Variants in THSD7B observed in about 807,000 individuals in gnomAD.
THSD7B encodes the protein thrombospondin type 1 domain containing 7B, also known as thrombospondin type-1 domain-containing protein 7B.
THSD7B carries 138 observed loss-of-function variants against 213.6 expected under a neutral mutation model. The observed-to-expected ratio is 0.65, with a 90% CI of 0.56 to 0.74. THSD7B has a LOEUF of 0.74. Ranked by LOEUF, THSD7B falls within the 30% of genes least tolerant of loss-of-function variation. The pLI is 0.00. For synonymous variants in THSD7B, 742 were observed against 687.0 expected (o/e 1.08, Z -1.25); for missense variants, 1,931 against 1,991.5 (o/e 0.97, Z 0.58).
At chr2:137,576,794 C>CT (rs1681469312) in intron 17 of THSD7B, among the ~76,000 whole-genome samples, 1 of 139,850 alleles carries the variant, frequency 7.2e-6, no homozygotes, top group Admixed American at 7.0e-5. Flanking sequence ...TTAAGAAAAA[C>CT]ACCCCCCCCC....
At chr2:137,318,640 C>T (rs1412715727) in intron 12 of THSD7B, among the ~76,000 whole-genome samples, 1 of 152,142 alleles carries the variant, frequency 6.6e-6, no homozygotes, top group Non-Finnish European at 1.5e-5. Flanking sequence ...TCTACTCCTT[C>T]CTAGCACAGA....
chr2:137,460,878 T>C (rs72851740), intron 15 of THSD7B, among the ~76,000 whole-genome samples: 15,430 of 152,170 alleles, frequency 0.1, 1,040 homozygotes, highest in South Asian at 0.24. Context: ...CACCTTCCTC[T>C]CACCAAATAT....
At chr2:137,164,925 T>C (rs776521721) in intron 6 of THSD7B, among the ~76,000 whole-genome samples, 25 of 152,136 alleles carry the variant, frequency 1.6e-4, no homozygotes, top group South Asian at 4.2e-4. Flanking sequence ...ATATACCTAA[T>C]GTAAATGACG....
chr2:137,515,245 G>A (rs1680045908), intron 15 of THSD7B, among the ~76,000 whole-genome samples: 1 of 152,080 alleles, frequency 6.6e-6, no homozygotes, highest in African/African-American at 2.4e-5. Context: ...TTTTTTGCCA[G>A]AAGAAACAGC....
At chr2:137,637,730 T>G (rs1682859815) in intron 20 of THSD7B, among the ~76,000 whole-genome samples, 1 of 152,182 alleles carries the variant, frequency 6.6e-6, no homozygotes, top group Admixed American at 6.5e-5. Context: ...GTCACCTTAA[T>G]GGAAATAAAT....
At chr2:137,041,972 T>C (rs1686890467) in intron 2 of THSD7B, among the ~76,000 whole-genome samples, 1 of 152,232 alleles carries the variant, frequency 6.6e-6, no homozygotes, top group Non-Finnish European at 1.5e-5. Flanking sequence ...ATTAGGCACA[T>C]GTTCAGTGAT....
chr2:137,445,643 T>TG (rs1687521225), intron 14 of THSD7B, among the ~76,000 whole-genome samples: 1 of 151,840 alleles, frequency 6.6e-6, no homozygotes, highest in Admixed American at 6.6e-5. Context: ...AAAGACAGGT[T>TG]GATTAATGGG....
chr2:137,403,132 AC>A (rs1686413142), intron 12 of THSD7B, among the ~76,000 whole-genome samples: 2 of 151,900 alleles, frequency 1.3e-5, no homozygotes, highest in Admixed American at 6.5e-5. Context: ...AAAAACGAAA[AC>A]AAAAAATATT....
chr2:137,425,742 T>C (rs775780311), intron 14 of THSD7B, among the ~76,000 whole-genome samples: 3 of 152,172 alleles, frequency 2.0e-5, no homozygotes, highest in Non-Finnish European at 4.4e-5. Context: ...TCCTCAATGG[T>C]AAAAAGTTGA....
intron 13 of THSD7B, among the ~76,000 whole-genome samples, chr2:137,410,595 A>AAGCAT (rs1172294000): frequency 6.6e-6 from 1 of 152,150 alleles, no homozygotes; most frequent in African/African-American, 2.4e-5. Context: ...TTGCAAACAT[A>AAGCAT]AGCATCATGG....
intron 7 of THSD7B, among the ~76,000 whole-genome samples, chr2:137,184,293 A>C (rs936781863): frequency 3.3e-5 from 5 of 152,206 alleles, no homozygotes; most frequent in African/African-American, 1.2e-4. Flanking sequence ...AGGAGCCCTC[A>C]TAACAAAATC....
chr2:136,948,649 A>G (rs982951099), intron 2 of THSD7B, among the ~76,000 whole-genome samples: 2 of 152,216 alleles, frequency 1.3e-5, no homozygotes, highest in African/African-American at 4.8e-5. Context: ...GTGTATATAT[A>G]CTTACATGCA....
At chr2:137,304,764 C>G in intron 12 of THSD7B, among the ~76,000 whole-genome samples, 1 of 151,900 alleles carries the variant, frequency 6.6e-6, no homozygotes, top group East Asian at 1.9e-4. Flanking sequence ...TTCCTTCTTT[C>G]CGTTTTTGTT....
intron 1 of THSD7B, among the ~76,000 whole-genome samples, chr2:136,823,492 T>G (rs11688567): frequency 0.14 from 21,188 of 152,212 alleles, 2,209 homozygotes; most frequent in Non-Finnish European, 0.22. Context: ...TCTTTTTGCT[T>G]CGTCAGGTAT....
chr2:137,457,957 A>T (rs1687794305), intron 15 of THSD7B, among the ~76,000 whole-genome samples: 1 of 152,218 alleles, frequency 6.6e-6, no homozygotes, highest in South Asian at 2.1e-4. Flanking sequence ...GGTTCTGGGA[A>T]TTTAACCATG....
chr2:137,335,697 C>A (rs968114073), intron 12 of THSD7B, among the ~76,000 whole-genome samples: 4 of 152,112 alleles, frequency 2.6e-5, no homozygotes, highest in African/African-American at 9.7e-5. Context: ...AGTTATTGCC[C>A]TTCGGCGCAC....
chr2:137,030,205 G>C (rs1380185412), intron 2 of THSD7B, among the ~76,000 whole-genome samples: 1 of 152,168 alleles, frequency 6.6e-6, no homozygotes, highest in Non-Finnish European at 1.5e-5. Context: ...GATACTCCAG[G>C]AAGGGACATG....
chr2:136,887,329 T>TGTGTGTGA (rs1553455589), intron 2 of THSD7B, among the ~76,000 whole-genome samples: 11,319 of 151,010 alleles, frequency 0.075, 491 homozygotes, highest in East Asian at 0.14. Context: ...TGTGTGTGTG[T>TGTGTGTGA]GACAGGCTTT....
At chr2:137,242,831 C>A (rs1238890278) in intron 10 of THSD7B, among the ~76,000 whole-genome samples, 2 of 152,136 alleles carry the variant, frequency 1.3e-5, no homozygotes, top group East Asian at 1.9e-4. Context: ...TTCTACTGAC[C>A]CCGTTGTGGC....
Sources: gnomAD v4.1 joint callset for allele counts (sites outside exome capture counted in the v4.1 genomes callset) on GRCh38, gnomAD v4.1.1 for gene constraint, MANE v1.5 for transcripts, NCBI Gene and HGNC (gene_info 2026-07-23, HGNC 2026-07-21) for gene names.